CHGA: variants seen among roughly 807,000 people sequenced by gnomAD.
CHGA encodes the protein chromogranin A, also known as chromogranin-A.
In CHGA, 41 loss-of-function variants were observed where a neutral mutation model predicts 54.4. The observed-to-expected ratio is 0.75, with a 90% CI of 0.59 to 0.98. The LOEUF (loss-of-function observed/expected upper bound fraction) is 0.98. Among genes scored for constraint, CHGA ranks in the 50% least tolerant of loss-of-function variants. The probability of loss-of-function intolerance (pLI) is 0.00; values close to 1 mark genes in which losing one functional copy is unlikely to be tolerated. For synonymous variants in CHGA, 249 were observed against 232.8 expected (o/e 1.07, Z -0.63); for missense variants, 576 against 582.3 (o/e 0.99, Z 0.11).
rs548111245 is a variant in CHGA, at chr14:92,932,676, T to C, written c.1115T>C (p.Met372Thr). ...EEEEDNRDSS[M>T]KLSFRARAYG... ...GAGGAGGACAACCGGGACAGTTCCA[T>C]GAAGCTCTCCTTCCGGGCCCGGGCC... is the stretch of plus-strand genomic sequence containing the variant. The change falls in exon 7 of 8, where the codon ATG becomes ACG. Residue 372 changes from methionine (M) to threonine (T), a missense_variant. Physicochemically the swap from Met to Thr is moderately conservative, Grantham distance 81. Coordinates refer to ENST00000216492, the MANE Select transcript of CHGA (RefSeq NM_001275.4). The surrounding 1 kb of genome is among the most constrained non-coding windows in gnomAD (Gnocchi z 5.3). 7.5e-6 allele frequency: 12 copies of C among 1,608,858 alleles called. No individual in the cohort carries two copies. The highest frequency in any genetic ancestry group is 2.7e-5 in the African/African-American group (2 of 74,840).
chr14:92,925,507 A>C (rs1311017651), intron 2 of CHGA, among the ~76,000 whole-genome samples: 1 of 152,110 alleles, frequency 6.6e-6, no homozygotes, highest in Non-Finnish European at 1.5e-5. Context: ...ATTCTATACG[A>C]GGTTGTTGTG....
At chr14:92,929,629 C>A in intron 4 of CHGA, 88 bp from the exon 5 acceptor site, 1 of 1,160,458 alleles carries the variant, frequency 8.6e-7, no homozygotes, top group Non-Finnish European at 1.3e-6. Flanking sequence ...GCCCAGCTTA[C>A]AGATGGGGAA....
intron 7 of CHGA, 85 bp from the exon 8 acceptor site, chr14:92,934,716 C>T (rs752332516): frequency 9.8e-7 from 1 of 1,015,538 alleles, no homozygotes; most frequent in Non-Finnish European, 1.5e-6. Flanking sequence ...CGAGGCCACA[C>T]AGCTAACCCA....
chr14:92,925,761 A>G, intron 2 of CHGA, among the ~76,000 whole-genome samples: 1 of 152,026 alleles, frequency 6.6e-6, no homozygotes, highest in East Asian at 1.9e-4. Context: ...GTACCTCATT[A>G]CCCTGGGAGA....
intron 6 of CHGA, 123 bp downstream of exon 6, chr14:92,931,825 T>A: frequency 1.0e-6 from 1 of 1,003,426 alleles, no homozygotes; most frequent in South Asian, 1.8e-5. Flanking sequence ...ATTAGCTCCA[T>A]TTCCCAGGTG....
rs1338288228 is a variant in CHGA at position 92,924,220 on chromosome 14, G to A, written c.68G>A (p.Ser23Asn). 1.9e-6 allele frequency: 3 copies of A among 1,612,614 alleles called. No homozygotes were observed. The highest frequency in any genetic ancestry group is 2.2e-5 in the East Asian group (1 of 44,848). The part of the protein sequence containing the change: ...AGQVTALPVN[S>N]PMNKGDTEVM... Reference sequence around the variant, plus strand: ...CCAGTCACTGCGCTCCCTGTGAACAGCCCTATGAATAAAGGGGATACCGAG... The same window carrying A: ...CCAGTCACTGCGCTCCCTGTGAACAACCCTATGAATAAAGGGGATACCGAG... Residue 23 changes from serine (S) to asparagine (N), a missense_variant, in exon 2 of 8, where the codon AGC (serine) becomes AAC (asparagine). By Grantham distance (46) the Ser-to-Asn change is conservative. Coordinates refer to ENST00000216492, the MANE Select transcript of CHGA (RefSeq NM_001275.4).
chr14:92,923,462 A>T lies in CHGA; in HGVS notation c.46+57A>T, dbSNP rs974883876. The T allele has an allele frequency of 8.0e-5, 98 of 1,227,630 alleles. No homozygotes were observed. The South Asian group carries it at 3.2e-3, about 40-fold the overall frequency. 76.0% of individuals were successfully genotyped at this position (1,227,630 alleles called of 1,614,324 possible). A position where few individuals can be genotyped will look rare whatever the true frequency, so the allele number is the denominator to read the frequency against. On this transcript the variant is annotated intron_variant, in intron 1 of 7. Coordinates refer to ENST00000216492, the MANE Select transcript of CHGA (RefSeq NM_001275.4). ...GTTCCGGGCGCCCCTGCCCACCTTG[A>T]GGTCCGGGCACCGCGCGGCGCCCCG... is the stretch of plus-strand genomic sequence containing the variant.
chr14:92,932,099 C>T lies in CHGA; in HGVS notation c.809-271C>T, dbSNP rs1402494228. ...CTACGGTTTAGGAGAGGCCCTGGCTCCCGCTGCGGGCCTGTCAGGGTCTTT... is the reference window on the plus strand; with the variant it reads ...CTACGGTTTAGGAGAGGCCCTGGCTTCCGCTGCGGGCCTGTCAGGGTCTTT... On this transcript the variant is annotated intron_variant, in intron 6 of 7. Coordinates refer to ENST00000216492, the MANE Select transcript of CHGA (RefSeq NM_001275.4). This position sits in a 1 kb window ranked among gnomAD's most constrained non-coding sequence, Gnocchi z 5.3. The T allele has an allele frequency of 2.2e-6, 1 of 463,680 alleles. No individual in the cohort carries two copies. 28.7% of individuals were successfully genotyped at this position (463,680 alleles called of 1,614,324 possible). A position where few individuals can be genotyped will look rare whatever the true frequency, so the allele number is the denominator to read the frequency against.
In CHGA at chr14:92,923,307, G is replaced by T. The variant is rs758655845; in HGVS notation, c.-53G>T. The T allele has an allele frequency of 5.0e-5, 65 of 1,293,008 alleles. No individual in the cohort carries two copies. Among genetic ancestry groups the T allele is most frequent in the East Asian group, 6.4e-5 (2 of 31,406 alleles). The allele number at this position is 1,293,008 out of a possible 1,614,324, so 80.1% of individuals were successfully genotyped here. A position where few individuals can be genotyped will look rare whatever the true frequency, so the allele number is the denominator to read the frequency against. On this transcript the variant is annotated 5_prime_UTR_variant, in exon 1 of 8. Transcript: ENST00000216492. ...CCGCCAGTCCAGCCGCCCCTCGCCC[G>T]GTGCCTAGGTGCCCGGCCCCACACC...
At chr14:92,930,191 G>A (rs1195325277) in intron 5 of CHGA, among the ~76,000 whole-genome samples, 1 of 152,238 alleles carries the variant, frequency 6.6e-6, no homozygotes, top group Non-Finnish European at 1.5e-5. Context: ...GAAGTGGTGG[G>A]GCCTCAGAAT....
At chr14:92,934,676 T>C in intron 7 of CHGA, 125 bp from the exon 8 acceptor site, 1 of 678,932 alleles carries the variant, frequency 1.5e-6, no homozygotes, top group South Asian at 1.8e-5. Flanking sequence ...CCATGATGGA[T>C]GAGGGTACAG....
chr14:92,923,901 G>A (rs1886837804), intron 1 of CHGA, among the ~76,000 whole-genome samples: 1 of 149,634 alleles, frequency 6.7e-6, no homozygotes, highest in Non-Finnish European at 1.5e-5. Flanking sequence ...TCTCCCACCC[G>A]TCCCACTGTG....
In CHGA at chr14:92,927,609, G is replaced by C. The variant is rs372495668; in HGVS notation, c.247G>C (p.Ala83Pro). The C allele has an allele frequency of 1.2e-6, 2 of 1,613,028 alleles. No homozygotes were observed. The highest frequency in any genetic ancestry group is 1.7e-4 in the Middle Eastern group (1 of 6,060). Residue 83 changes from alanine to proline, a missense_variant, in exon 4 of 8, where the codon GCT becomes CCT. Ala to Pro is a conservative substitution (Grantham distance 27, BLOSUM62 -1). Transcript: ENST00000216492. Reference sequence around the variant, plus strand: ...TTTACTGAAGGAGCTCCAAGACCTCGCTCTCCAAGGTATTTTCCAGCCACT... The same window carrying C: ...TTTACTGAAGGAGCTCCAAGACCTCCCTCTCCAAGGTATTTTCCAGCCACT... The part of the protein sequence containing the change: ...QNLLKELQDL[A>P]LQGAKERAHQ...
chr14:92,932,506 C>A lies in CHGA; in HGVS notation c.945C>A (p.Gly315=), dbSNP rs1368552697. ...EEEEMAVVPQ[G]LFRGGKSGEL... ...AGGAGATGGCAGTGGTCCCGCAAGG[C>A]CTCTTCCGGGGTGGGAAGAGCGGAG... is the stretch of plus-strand genomic sequence containing the variant. Residue 315 remains glycine, a synonymous_variant, in exon 7 of 8, where the codon GGC becomes GGA. Coordinates refer to ENST00000216492, the MANE Select transcript of CHGA (RefSeq NM_001275.4). This position sits in a 1 kb window ranked among gnomAD's most constrained non-coding sequence, Gnocchi z 5.3. 6.4e-7 allele frequency: 1 copy of A among 1,553,852 alleles called. No homozygotes were observed. The highest frequency in any genetic ancestry group is 8.7e-7 in the Non-Finnish European group (1 of 1,148,578).
chr14:92,923,259 G>A lies in CHGA; in HGVS notation c.-101G>A. ...GCACTGCGCCCCCAGCCCCGCGCCG[G>A]TGCCACCGCAGCCCGACCCCGGCCG... On this transcript the variant is annotated 5_prime_UTR_variant, in exon 1 of 8. The change creates a new upstream start codon in the 5' untranslated region. Coordinates refer to ENST00000216492, the MANE Select transcript of CHGA (RefSeq NM_001275.4). 1 of 1,111,216 alleles carries A rather than the reference G, an allele frequency of 9.0e-7. No individual in the cohort carries two copies. Among genetic ancestry groups the A allele is most frequent in the Non-Finnish European group, 1.1e-6 (1 of 881,410 alleles). The allele number at this position is 1,111,216 out of a possible 1,614,324, so 68.8% of individuals were successfully genotyped here.
chr14:92,928,161 G>A (rs1886924038), intron 4 of CHGA, among the ~76,000 whole-genome samples: 1 of 152,228 alleles, frequency 6.6e-6, no homozygotes, highest in African/African-American at 2.4e-5. Flanking sequence ...ACCACTGGTG[G>A]TGGTGTGTCT....
rs554091679 is a variant in CHGA, at chr14:92,932,282, C to T, written c.809-88C>T. 2.3e-4 allele frequency: 342 copies of T among 1,460,472 alleles called. 1 individual carries two copies. In the African/African-American group the frequency reaches 4.1e-3, roughly 18 times the overall value. 90.5% of individuals were successfully genotyped at this position (1,460,472 alleles called of 1,614,324 possible). ...CACTGTGGAGAGGCTGGGCTGTGGC[C>T]GCAGCAGAGGCCCCCAGGGAGTGGC... is the stretch of plus-strand genomic sequence containing the variant. On this transcript the variant is annotated intron_variant, in intron 6 of 7. Transcript: ENST00000216492. This position sits in a 1 kb window ranked among gnomAD's most constrained non-coding sequence, Gnocchi z 5.3.
Position 92,934,788 on chromosome 14 carries a change from A to G in CHGA, c.1291-13A>G, listed in dbSNP as rs1196956669. On this transcript the variant is annotated splice_polypyrimidine_tract_variant and intron_variant, in intron 7 of 7. Transcript: ENST00000216492. The stretch of plus-strand genomic sequence containing the variant: ...GCCAGGCTGGCCCGAGTGAACCCCA[A>G]TGTCTCTCCTAGGACCAGGAGCTGG... The G allele has an allele frequency of 2.5e-6, 4 of 1,570,440 alleles. No homozygotes were observed. Among genetic ancestry groups the G allele is most frequent in the Non-Finnish European group, 3.5e-6 (4 of 1,158,160 alleles).
At chr14:92,923,857 C>A (rs1439330092) in intron 1 of CHGA, among the ~76,000 whole-genome samples, 4 of 152,242 alleles carry the variant, frequency 2.6e-5, no homozygotes, top group Non-Finnish European at 5.9e-5. Flanking sequence ...TCCCCCGCCC[C>A]CCCCACCTCT....
Sources: allele counts gnomAD v4.1 joint callset (sites outside exome capture counted in the v4.1 genomes callset), GRCh38; gene constraint gnomAD v4.1.1; non-coding constraint Gnocchi (gnomAD v3.1); transcripts MANE v1.5; gene names NCBI Gene and HGNC (gene_info 2026-07-23, HGNC 2026-07-21).